The following WNT16 variants were observed in gnomAD, a reference collection of about 807,000 sequenced individuals.
WNT16 encodes the protein Wnt family member 16.
Under a neutral mutation model 35.4 loss-of-function variants are expected in WNT16, and 20 were observed. That is an observed-to-expected ratio of 0.56 (90% CI 0.40 to 0.82). The LOEUF is 0.82. Ranked by LOEUF, WNT16 falls within the 40% of genes least tolerant of loss-of-function variation. WNT16 has a pLI of 0.00. For missense variants in WNT16, 461 were observed against 466.0 expected, an observed-to-expected ratio of 0.99 and a Z score of 0.10; for synonymous variants, 180 against 179.2, an observed-to-expected ratio of 1.00 and a Z score of -0.03.
chr7:121,336,453 T>C (rs1793447616), intron 3 of WNT16, among the ~76,000 whole-genome samples: 1 of 152,130 alleles, frequency 6.6e-6, no homozygotes, highest in African/African-American at 2.4e-5. Flanking sequence ...GGGAAATCTT[T>C]CTATAATTTC....
chr7:121,325,494 ATT>A, upstream of WNT16: 1 of 1,610,314 alleles, frequency 6.2e-7, no homozygotes, highest in African/African-American at 1.3e-5. Flanking sequence ...GGTTTTGTTT[ATT>A]TTTGGAGAAC....
At chr7:121,338,828 T>C (rs1793479878) in intron 3 of WNT16, 53 bp from the exon 4 acceptor site, 2 of 1,478,464 alleles carry the variant, frequency 1.4e-6, no homozygotes, top group African/African-American at 2.8e-5. Flanking sequence ...GCTTCTGTTG[T>C]TGAGTAAAAC....
Position 121,339,164 on chromosome 7 carries a change from A to G in WNT16, c.917A>G (p.Gln306Arg), listed in dbSNP as rs1168501365. The change falls in exon 4 of 4, where the codon CAA becomes CGA. Residue 306 changes from glutamine (Q) to arginine (R), a missense_variant. Coordinates refer to ENST00000222462, the MANE Select transcript of WNT16 (RefSeq NM_057168.2). The stretch of plus-strand genomic sequence containing the variant: ...AAGAAACTGGGAATCCCAGGGACAC[A>G]AGGCAGAGAATGCAACCGTACATCA... ...EDKKLGIPGT[Q>R]GRECNRTSEG... 3.7e-6 allele frequency: 6 copies of G among 1,614,222 alleles called. No homozygotes were observed. The highest frequency in any genetic ancestry group is 1.7e-4 in the Middle Eastern group (1 of 6,060).
At chr7:121,330,092 C>T (rs1363691019) in intron 2 of WNT16, among the ~76,000 whole-genome samples, 1 of 152,234 alleles carries the variant, frequency 6.6e-6, no homozygotes, top group Non-Finnish European at 1.5e-5. Flanking sequence ...AAAAAAAACT[C>T]TAATTCTCCT....
At chr7:121,333,020 A>C (rs921928743) in intron 3 of WNT16, among the ~76,000 whole-genome samples, 40 of 152,194 alleles carry the variant, frequency 2.6e-4, no homozygotes, top group Middle Eastern at 3.4e-3. Flanking sequence ...TTTTCTAAAA[A>C]AGTCTAAATC....
chr7:121,340,695 G>C lies in WNT16; in HGVS notation c.*1350G>C, dbSNP rs1269795051. ...ATCAATTTGTGGATTTGATATCCTG[G>C]ATATTTATTATATTTTATGTAATGC... On this transcript the variant is annotated 3_prime_UTR_variant, in exon 4 of 4. Coordinates refer to ENST00000222462, the MANE Select transcript of WNT16 (RefSeq NM_057168.2). 6.6e-6 allele frequency: 1 copy of C among 152,186 alleles called. No homozygotes were observed. The highest frequency in any genetic ancestry group is 1.5e-5 in the Non-Finnish European group (1 of 67,904). The allele number at this position is 152,186 out of a possible 1,614,324, so 9.4% of individuals were successfully genotyped here.
rs369066330 is a variant in WNT16 at position 121,332,206 on chromosome 7, T to A, written c.633+242T>A. 2.6e-5 allele frequency among the ~76,000 whole-genome samples: 4 copies of A among 151,624 alleles called. No homozygotes were observed. In the East Asian group the frequency reaches 5.8e-4, roughly 22 times the overall value. On this transcript the variant is annotated intron_variant, in intron 3 of 3. Transcript: ENST00000222462. ...AAAAATTCCTTCTCTGGTAAGAGGA[T>A]GAATAGGAGGCTTTGATTAGAATAA...
chr7:121,339,026 C>A lies in WNT16; in HGVS notation c.779C>A (p.Ser260Ter). The A allele has an allele frequency of 6.2e-7, 1 of 1,614,074 alleles. No homozygotes were observed. The highest frequency in any genetic ancestry group is 8.5e-7 in the Non-Finnish European group (1 of 1,180,002). ...KDKYENSIQI[S>*]DKTKRKMRRR... ...AAATATGAAAACAGTATCCAGATAT[C>A]AGACAAAACAAAGAGGAAAATGCGC... The change falls in exon 4 of 4, where the codon TCA becomes TAA. Residue 260 changes from serine (S) to a stop codon, truncating the protein, a stop_gained. Coordinates refer to ENST00000222462, the MANE Select transcript of WNT16 (RefSeq NM_057168.2). LOFTEE classifies it high-confidence loss of function.
chr7:121,332,237 C>CAT (rs1554367969), intron 3 of WNT16, among the ~76,000 whole-genome samples: 10 of 151,248 alleles, frequency 6.6e-5, no homozygotes, highest in African/African-American at 1.7e-4. Context: ...AATAAATATA[C>CAT]GTGTGTGTGT....
intron 3 of WNT16, among the ~76,000 whole-genome samples, chr7:121,334,073 A>G (rs1484657438): frequency 6.6e-6 from 1 of 152,050 alleles, no homozygotes. Flanking sequence ...CCATTAATTT[A>G]AATCCATTTT....
intron 2 of WNT16, among the ~76,000 whole-genome samples, chr7:121,330,134 C>G (rs952890686): frequency 1.3e-5 from 2 of 152,210 alleles, no homozygotes; most frequent in African/African-American, 4.8e-5. Context: ...CCCGTAGCGC[C>G]CCCCTACGTG....
upstream of WNT16, chr7:121,325,472 C>T (rs375712675): frequency 1.4e-5 from 23 of 1,613,378 alleles, no homozygotes; most frequent in Non-Finnish European, 1.9e-5. Flanking sequence ...CTCAAAAGAC[C>T]TCCCTATGGT....
chr7:121,334,400 C>A (rs920693400), intron 3 of WNT16, among the ~76,000 whole-genome samples: 6 of 151,714 alleles, frequency 4.0e-5, no homozygotes, highest in Non-Finnish European at 5.9e-5. Flanking sequence ...GGCAAAAAAA[C>A]AAAAACAAAA....
chr7:121,329,504 A>AT, intron 1 of WNT16, 63 bp from the exon 2 acceptor site: 1 of 1,600,978 alleles, frequency 6.2e-7, no homozygotes, highest in Non-Finnish European at 8.5e-7. Flanking sequence ...GAGTGACCTA[A>AT]TTTTTCGGAA....
intron 3 of WNT16, among the ~76,000 whole-genome samples, chr7:121,336,508 T>C (rs1450781110): frequency 6.6e-6 from 1 of 152,160 alleles, no homozygotes; most frequent in Non-Finnish European, 1.5e-5. Flanking sequence ...AAAATCAGTC[T>C]CTCTTTTTAT....
chr7:121,339,504 T>C lies in WNT16; in HGVS notation c.*159T>C, dbSNP rs1793499748. The C allele has an allele frequency of 3.2e-6, 2 of 625,214 alleles. No individual in the cohort carries two copies. Among genetic ancestry groups the C allele is most frequent in the Admixed American group, 6.0e-5 (2 of 33,566 alleles). 38.7% of individuals were successfully genotyped at this position (625,214 alleles called of 1,614,324 possible). On this transcript the variant is annotated 3_prime_UTR_variant, in exon 4 of 4. Transcript: ENST00000222462. Reference sequence around the variant, plus strand: ...TTTCCCTTACCTGATCGACATATTTTCCTTTATCTGATCAACCCATCAATC... The same window carrying C: ...TTTCCCTTACCTGATCGACATATTTCCCTTTATCTGATCAACCCATCAATC...
At chr7:121,335,854 T>C (rs1168395942) in intron 3 of WNT16, among the ~76,000 whole-genome samples, 2 of 152,128 alleles carry the variant, frequency 1.3e-5, no homozygotes, top group East Asian at 1.9e-4. Context: ...TTCTGTAAAA[T>C]TGAAATCATA....
chr7:121,328,793 GA>G (rs1389087018), upstream of WNT16, among the ~76,000 whole-genome samples: 2 of 152,196 alleles, frequency 1.3e-5, no homozygotes, highest in East Asian at 3.9e-4. Flanking sequence ...GTGACAGCAG[GA>G]AAGGTCATGA....
chr7:121,326,945 A>G (rs922201042), upstream of WNT16, among the ~76,000 whole-genome samples: 2 of 152,230 alleles, frequency 1.3e-5, no homozygotes, highest in African/African-American at 4.8e-5. Context: ...TCCAGCATTT[A>G]GGCCTCTTAC....
Sources: allele counts gnomAD v4.1 joint callset (sites outside exome capture counted in the v4.1 genomes callset), GRCh38; gene constraint gnomAD v4.1.1; transcripts MANE v1.5; gene names NCBI Gene and HGNC (gene_info 2026-07-23, HGNC 2026-07-21).